The following PNOC variants were observed in gnomAD, a reference collection of about 807,000 sequenced individuals.
PNOC encodes the protein nociceptin.
In PNOC, 10 loss-of-function variants were observed where a neutral mutation model predicts 15.6. The observed-to-expected ratio is 0.64, with a 90% CI of 0.40 to 1.09. The LOEUF (loss-of-function observed/expected upper bound fraction) is 1.09, where lower values mean the gene tolerates loss of function less well. Among genes scored for constraint, PNOC ranks in the 50% least tolerant of loss-of-function variants. The pLI is 0.01. For missense variants in PNOC, 220 were observed against 223.9 expected (o/e 0.98, Z 0.11); for synonymous variants, 98 against 88.5 (o/e 1.11, Z -0.60).
At chr8:28,334,368 A>G (rs1258617455) in intron 2 of PNOC, among the ~76,000 whole-genome samples, 2 of 152,208 alleles carry the variant, frequency 1.3e-5, no homozygotes, top group Non-Finnish European at 2.9e-5. Flanking sequence ...GGATTTCTCC[A>G]GGTATCATCC....
chr8:28,320,694 C>G (rs1237235930), intron 1 of PNOC, among the ~76,000 whole-genome samples: 1 of 151,492 alleles, frequency 6.6e-6, no homozygotes, highest in Admixed American at 6.6e-5. Flanking sequence ...ACTAAAAATA[C>G]AAAAAAATTC....
At chr8:28,338,815 C>A in intron 2 of PNOC, 1 of 1,169,306 alleles carries the variant, frequency 8.6e-7, no homozygotes, top group Non-Finnish European at 1.1e-6. Flanking sequence ...TCTCTGAGCC[C>A]TGGTTTCTTT....
At chr8:28,327,648 C>T (rs1165914950) in intron 1 of PNOC, among the ~76,000 whole-genome samples, 1 of 150,142 alleles carries the variant, frequency 6.7e-6, no homozygotes, top group Non-Finnish European at 1.5e-5. Flanking sequence ...ACCACTGCAA[C>T]CTCCGCCTCC....
At chr8:28,324,855 A>G (rs1801199876) in intron 1 of PNOC, among the ~76,000 whole-genome samples, 4 of 152,090 alleles carry the variant, frequency 2.6e-5, no homozygotes, top group Admixed American at 2.0e-4. Context: ...AGAGTGAAAC[A>G]TCGTCTCAAA....
chr8:28,337,763 T>G (rs1166804060), intron 2 of PNOC, among the ~76,000 whole-genome samples: 2 of 150,888 alleles, frequency 1.3e-5, no homozygotes, highest in Admixed American at 1.3e-4. Flanking sequence ...TTTTTTTTTT[T>G]TGTATTTTTA....
intron 2 of PNOC, among the ~76,000 whole-genome samples, chr8:28,336,599 A>G (rs1801416498): frequency 1.3e-5 from 2 of 152,202 alleles, no homozygotes; most frequent in South Asian, 2.1e-4. Context: ...GGTGGGCTGG[A>G]CCAGGTGGTA....
chr8:28,329,748 C>T (rs970294576), intron 2 of PNOC, among the ~76,000 whole-genome samples: 2 of 151,866 alleles, frequency 1.3e-5, no homozygotes, highest in African/African-American at 4.8e-5. Flanking sequence ...TTCAAGGATT[C>T]AACTAACCAT....
intron 1 of PNOC, among the ~76,000 whole-genome samples, chr8:28,321,012 G>C (rs1801143122): frequency 6.6e-6 from 1 of 152,012 alleles, no homozygotes; most frequent in South Asian, 2.1e-4. Context: ...TGGAGGTCTT[G>C]CTATATTGCC....
intron 2 of PNOC, among the ~76,000 whole-genome samples, chr8:28,335,648 C>T (rs1420366589): frequency 6.6e-6 from 1 of 152,094 alleles, no homozygotes; most frequent in Non-Finnish European, 1.5e-5. Flanking sequence ...CTGCCTCAGC[C>T]TCCTGAGTAG....
intron 2 of PNOC, among the ~76,000 whole-genome samples, chr8:28,337,016 A>G (rs1435608157): frequency 6.6e-6 from 1 of 152,156 alleles, no homozygotes; most frequent in Non-Finnish European, 1.5e-5. Flanking sequence ...ACAAACATCT[A>G]AAGTGACAGC....
Position 28,339,164 on chromosome 8 carries a change from T to G in PNOC, c.251T>G (p.Leu84Arg). ...GCCCCAGAGCATGTGGCGGCTGCTC[T>G]CTACCAGCCGAGAGCTTCGGAGATG... ...PAAPEHVAAALYQPRASEMQH... is the reference protein window; with the variant it reads ...PAAPEHVAAARYQPRASEMQH... Residue 84 changes from leucine (L) to arginine (R), a missense_variant, in exon 3 of 4, where the codon CTC (leucine) becomes CGC (arginine). By Grantham distance (102) the Leu-to-Arg change is moderately radical. Transcript: ENST00000301908. 1 of 1,613,640 alleles carries G rather than the reference T, an allele frequency of 6.2e-7. No homozygotes were observed.
At chr8:28,320,064 T>A (rs1015853700) in intron 1 of PNOC, among the ~76,000 whole-genome samples, 7 of 149,986 alleles carry the variant, frequency 4.7e-5, no homozygotes, top group Non-Finnish European at 7.4e-5. Context: ...GTGGGGTTTT[T>A]TTTGTTTGTT....
Position 28,339,093 on chromosome 8 carries a change from A to G in PNOC, c.180A>G (p.Pro60=), listed in dbSNP as rs1421631870. 1 of 1,603,970 alleles carries G rather than the reference A, an allele frequency of 6.2e-7. No homozygotes were observed. Among genetic ancestry groups the G allele is most frequent in the Non-Finnish European group, 8.5e-7 (1 of 1,171,596 alleles). ...TCTTCCCCAGCCCCCTCTGGACTCC[A>G]TGCACCAAGGTCATGGCCAGGAGCT... ...EKVFPSPLWT[P]CTKVMARSSW... Residue 60 remains proline (P), a synonymous_variant, in exon 3 of 4, where the codon CCA becomes CCG. Coordinates refer to ENST00000301908, the MANE Select transcript of PNOC (RefSeq NM_006228.5).
chr8:28,342,542 T>C (rs1801540108), intron 3 of PNOC, among the ~76,000 whole-genome samples: 1 of 152,114 alleles, frequency 6.6e-6, no homozygotes, highest in South Asian at 2.1e-4. Context: ...TTGACCCTTC[T>C]AGGCAATGGA....
At chr8:28,339,604 C>A (rs1430100810) in intron 3 of PNOC, 113 bp downstream of exon 3, 10 of 811,362 alleles carry the variant, frequency 1.2e-5, no homozygotes, top group Non-Finnish European at 1.8e-5. Context: ...CCCCACTCCA[C>A]ACACACACAC....
Position 28,329,190 on chromosome 8 carries a change from C to T in PNOC, c.33C>T (p.Leu11=), listed in dbSNP as rs962656620. The change falls in exon 2 of 4, where the codon CTC becomes CTT. Residue 11 remains leucine, a synonymous_variant. Transcript: ENST00000301908. Reference sequence around the variant, plus strand: ...TCCTGCTTTGTGACCTGCTGCTGCTCAGTCTCTTCTCCAGTGTGTTCAGCA... The same window carrying T: ...TCCTGCTTTGTGACCTGCTGCTGCTTAGTCTCTTCTCCAGTGTGTTCAGCA... MKVLLCDLLL[L]SLFSSVFSSC... The T allele has an allele frequency of 6.2e-7, 1 of 1,614,010 alleles. No homozygotes were observed.
intron 2 of PNOC, among the ~76,000 whole-genome samples, chr8:28,330,406 T>TTTATTTTATTTTATTTTA (rs1563328736): frequency 6.6e-4 from 65 of 98,194 alleles, no homozygotes; most frequent in Middle Eastern, 9.7e-3. Flanking sequence ...ATTTTTTTTT[T>TTTATTTTATTTTATTTTA]TTTTTTGAGA....
At chr8:28,336,502 G>A (rs3735737) in intron 2 of PNOC, among the ~76,000 whole-genome samples, 10 of 152,168 alleles carry the variant, frequency 6.6e-5, no homozygotes, top group Admixed American at 5.9e-4. Flanking sequence ...ATGCAGGTGC[G>A]AGGAGCTTTG....
At chr8:28,333,678 C>T (rs539243352) in intron 2 of PNOC, among the ~76,000 whole-genome samples, 1 of 152,296 alleles carries the variant, frequency 6.6e-6, no homozygotes, top group East Asian at 1.9e-4. Flanking sequence ...CTCTGACTGA[C>T]ACAAAATCTA....
Sources: gnomAD v4.1 joint callset for allele counts (sites outside exome capture counted in the v4.1 genomes callset) on GRCh38, gnomAD v4.1.1 for gene constraint, MANE v1.5 for transcripts, NCBI Gene and HGNC (gene_info 2026-07-23, HGNC 2026-07-21) for gene names.